SGPP2: variants seen among roughly 807,000 people sequenced by gnomAD.
The protein encoded by SGPP2 is sphingosine-1-phosphate phosphatase 2, also known as sphingosine 1-phosphate phosphohydrolase 2.
SGPP2 carries 30 observed loss-of-function variants against 33.9 expected under a neutral mutation model. That is an observed-to-expected ratio of 0.89 (90% confidence interval 0.66 to 1.20). The LOEUF is 1.20. Ranked by LOEUF, SGPP2 falls within the 50% of genes most tolerant of loss-of-function variation. SGPP2 has a pLI of 0.00. For missense variants in SGPP2, 458 were observed against 532.1 expected (o/e 0.86, Z 1.37); for synonymous variants, 233 against 225.0 (o/e 1.04, Z -0.32).
At chr2:222,507,340 T>G (rs1268156585) in intron 2 of SGPP2, among the ~76,000 whole-genome samples, 1 of 152,220 alleles carries the variant, frequency 6.6e-6, no homozygotes, top group Non-Finnish European at 1.5e-5. Context: ...CTCTCCAGAT[T>G]GGATATTCTG....
chr2:222,558,977 A>ACTTATTTTT lies in SGPP2; in HGVS notation c.*83_*91dup. The ACTTATTTTT allele has an allele frequency of 7.0e-7, 1 of 1,430,978 alleles. No homozygotes were observed. Among genetic ancestry groups the ACTTATTTTT allele is most frequent in the East Asian group, 2.3e-5 (1 of 43,510 alleles). The allele number at this position is 1,430,978 out of a possible 1,614,324, so 88.6% of individuals were successfully genotyped here. ...AGTTATTGGTAGGCAAATCTTGACAACTTATTTTTCTTTAACAACAACAAA... is the reference window on the plus strand; with the variant it reads ...AGTTATTGGTAGGCAAATCTTGACAACTTATTTTTCTTATTTTTCTTTAACAACAACAAA... On this transcript the variant is annotated 3_prime_UTR_variant, in exon 5 of 5. Coordinates refer to ENST00000321276, the MANE Select transcript of SGPP2 (RefSeq NM_152386.4).
chr2:222,491,132 T>C (rs1034587717), intron 2 of SGPP2, among the ~76,000 whole-genome samples: 2 of 131,728 alleles, frequency 1.5e-5, no homozygotes, highest in Non-Finnish European at 3.4e-5. Flanking sequence ...GCATAGCACT[T>C]CCAAATATAT....
At chr2:222,505,716 T>C (rs1698433495) in intron 2 of SGPP2, among the ~76,000 whole-genome samples, 1 of 152,004 alleles carries the variant, frequency 6.6e-6, no homozygotes, top group Non-Finnish European at 1.5e-5. Flanking sequence ...GGTAGATTGC[T>C]TGAGCTCAGA....
intron 4 of SGPP2, among the ~76,000 whole-genome samples, chr2:222,527,105 G>GC (rs1355183026): frequency 1.3e-5 from 2 of 152,180 alleles, no homozygotes; most frequent in Non-Finnish European, 2.9e-5. Context: ...TAGAAACACA[G>GC]CTACAGCTTT....
chr2:222,526,840 A>T (rs1201103234), intron 4 of SGPP2, among the ~76,000 whole-genome samples: 1 of 152,156 alleles, frequency 6.6e-6, no homozygotes, highest in Non-Finnish European at 1.5e-5. Flanking sequence ...AGGGAGGGGA[A>T]CAACACACAC....
chr2:222,512,805 A>T (rs1698549960), intron 2 of SGPP2, among the ~76,000 whole-genome samples: 1 of 152,144 alleles, frequency 6.6e-6, no homozygotes, highest in Non-Finnish European at 1.5e-5. Flanking sequence ...TCATGGCTCG[A>T]TGGCTCATTT....
intron 4 of SGPP2, among the ~76,000 whole-genome samples, chr2:222,537,011 A>C (rs1247015004): frequency 6.6e-6 from 1 of 152,156 alleles, no homozygotes. Context: ...AGGCAAATGA[A>C]CTCCTTAGAA....
intron 1 of SGPP2, among the ~76,000 whole-genome samples, chr2:222,446,430 C>T (rs952014077): frequency 1.3e-5 from 2 of 152,244 alleles, no homozygotes; most frequent in South Asian, 2.1e-4. Flanking sequence ...ACAGTCGATC[C>T]GAGTACCCAG....
chr2:222,546,829 A>C (rs1411415295), intron 4 of SGPP2, among the ~76,000 whole-genome samples: 11 of 149,814 alleles, frequency 7.3e-5, no homozygotes, highest in Non-Finnish European at 1.5e-5. Flanking sequence ...ATGTTGCAAA[A>C]AAAAAAAAAA....
In SGPP2 at chr2:222,561,517, GATATATATATATCATTTTAT is replaced by G. The variant is rs1212795768; in HGVS notation, c.*2632_*2651del. Reference sequence around the variant, plus strand: ...GTGGGTGCTGGCCTCTCATATATATGATATATATATATCATTTTATATATATATATATATCATATACATAA... The same window carrying G: ...GTGGGTGCTGGCCTCTCATATATATGATATATATATATATCATATACATAA... On this transcript the variant is annotated 3_prime_UTR_variant, in exon 5 of 5. Coordinates refer to ENST00000321276, the MANE Select transcript of SGPP2 (RefSeq NM_152386.4). Among the ~76,000 whole-genome samples the G allele has an allele frequency of 6.2e-5, 9 of 144,178 alleles. No individual in the cohort carries two copies. The highest frequency in any genetic ancestry group is 1.2e-4 in the Non-Finnish European group (8 of 65,904). 94.6% of individuals were successfully genotyped at this position (144,178 alleles called of 152,430 possible). A position where few individuals can be genotyped will look rare whatever the true frequency, so the allele number is the denominator to read the frequency against.
intron 4 of SGPP2, among the ~76,000 whole-genome samples, chr2:222,528,999 G>GT (rs565456890): frequency 6.6e-6 from 1 of 152,090 alleles, no homozygotes; most frequent in Non-Finnish European, 1.5e-5. Flanking sequence ...TGCCAATGCT[G>GT]TTTTTTTCCT....
At chr2:222,482,175 G>A (rs1198968544) in intron 2 of SGPP2, among the ~76,000 whole-genome samples, 1 of 152,180 alleles carries the variant, frequency 6.6e-6, no homozygotes, top group Non-Finnish European at 1.5e-5. Flanking sequence ...TGTAATATAG[G>A]TAGTGTTTCT....
At chr2:222,483,589 A>G (rs1383494425) in intron 2 of SGPP2, among the ~76,000 whole-genome samples, 1 of 152,226 alleles carries the variant, frequency 6.6e-6, no homozygotes, top group East Asian at 1.9e-4. Flanking sequence ...ATTTTATGCA[A>G]CAGTCATAAA....
intron 4 of SGPP2, among the ~76,000 whole-genome samples, chr2:222,530,042 G>A (rs1304305629): frequency 6.6e-6 from 1 of 152,170 alleles, no homozygotes; most frequent in African/African-American, 2.4e-5. Flanking sequence ...TTGTCCATGA[G>A]CAATAATATT....
intron 4 of SGPP2, among the ~76,000 whole-genome samples, chr2:222,552,685 A>G (rs1458831352): frequency 6.6e-6 from 1 of 152,126 alleles, no homozygotes; most frequent in Non-Finnish European, 1.5e-5. Context: ...ACATGGAGAA[A>G]CCCTGTCTCT....
chr2:222,539,023 C>A (rs1698955412), intron 4 of SGPP2, among the ~76,000 whole-genome samples: 1 of 152,178 alleles, frequency 6.6e-6, no homozygotes, highest in Admixed American at 6.5e-5. Context: ...AAAATATAAT[C>A]ATGACTGTCC....
At chr2:222,440,304 A>G (rs551839086) in intron 1 of SGPP2, among the ~76,000 whole-genome samples, 121 of 151,986 alleles carry the variant, frequency 8.0e-4, no homozygotes, top group African/African-American at 2.7e-3. Flanking sequence ...TTATTTTGAC[A>G]GACTTGTTTT....
At chr2:222,492,912 A>G (rs1050789319) in intron 2 of SGPP2, among the ~76,000 whole-genome samples, 9 of 152,182 alleles carry the variant, frequency 5.9e-5, no homozygotes, top group Admixed American at 5.9e-4. Flanking sequence ...AGTTACCAGG[A>G]TGTTCCTCAT....
At chr2:222,515,003 A>G (rs1415830071) in intron 2 of SGPP2, among the ~76,000 whole-genome samples, 3 of 150,996 alleles carry the variant, frequency 2.0e-5, no homozygotes, top group Non-Finnish European at 2.9e-5. Context: ...TCATCAACCC[A>G]TTCAGCATTC....
Sources: allele counts gnomAD v4.1 joint callset (sites outside exome capture counted in the v4.1 genomes callset), GRCh38; gene constraint gnomAD v4.1.1; transcripts MANE v1.5; gene names NCBI Gene and HGNC (gene_info 2026-07-23, HGNC 2026-07-21).